Variants in PTPRK observed in about 807,000 individuals in gnomAD.
PTPRK encodes receptor-type tyrosine-protein phosphatase kappa.
In PTPRK, 75 loss-of-function variants were observed where a neutral mutation model predicts 178.0. The observed-to-expected ratio is 0.42, with a 90% confidence interval of 0.35 to 0.51. PTPRK has a LOEUF of 0.51. Ranked by LOEUF, PTPRK falls within the 20% of genes least tolerant of loss-of-function variation. The pLI is 0.02. For synonymous variants in PTPRK, 637 were observed against 620.6 expected, an observed-to-expected ratio of 1.03 and a Z score of -0.39; for missense variants, 1,441 against 1,797.8, an observed-to-expected ratio of 0.80 and a Z score of 3.59.
chr6:128,451,145 C>G (rs565918855), intron 1 of PTPRK, among the ~76,000 whole-genome samples: 2 of 152,298 alleles, frequency 1.3e-5, no homozygotes, highest in South Asian at 4.1e-4. Flanking sequence ...AGCTTTCCAA[C>G]TCTTAAAATA....
At chr6:128,176,869 T>C (rs1281380407) in intron 7 of PTPRK, among the ~76,000 whole-genome samples, 1 of 151,388 alleles carries the variant, frequency 6.6e-6, no homozygotes, top group Non-Finnish European at 1.5e-5. Flanking sequence ...AATCAAGAAA[T>C]TGCACAGAAT....
intron 1 of PTPRK, among the ~76,000 whole-genome samples, chr6:128,464,655 A>ATATATAT (rs1554271931): frequency 4.7e-5 from 5 of 105,858 alleles, no homozygotes; most frequent in Non-Finnish European, 9.4e-5. Context: ...ATATATATAT[A>ATATATAT]TATATATATA....
chr6:128,491,972 A>C, intron 1 of PTPRK: 2 of 389,612 alleles, frequency 5.1e-6, no homozygotes, highest in South Asian at 3.7e-5. Flanking sequence ...TGAATTTAAC[A>C]TAATCTTCTA....
Position 128,005,783 on chromosome 6 carries a change from T to A in PTPRK, c.2334-539A>T, listed in dbSNP as rs572295382. ...TTAGTAAATAAATTATGTTTTTGGC[T>A]CTAGACTAAAGCTACTTATGGAAAT... On this transcript the variant is annotated intron_variant, in intron 14 of 29. Coordinates refer to ENST00000368226, the MANE Select transcript of PTPRK (RefSeq NM_002844.4). Among the ~76,000 whole-genome samples, 9 of 4,190 alleles carry A rather than the reference T, an allele frequency of 2.1e-3. 1 individual carries two copies. The South Asian group carries it at 0.036, about 17-fold the overall frequency. The allele number at this position is 4,190 out of a possible 152,430, so 2.7% of individuals were successfully genotyped here.
At chr6:128,094,840 T>C (rs73584678) in intron 7 of PTPRK, among the ~76,000 whole-genome samples, 4,412 of 150,534 alleles carry the variant, frequency 0.029, 213 homozygotes, top group African/African-American at 0.1. Flanking sequence ...AGGTAATAGA[T>C]AAGGATAGGG....
intron 1 of PTPRK, among the ~76,000 whole-genome samples, chr6:128,407,100 T>C (rs918811086): frequency 2.0e-5 from 3 of 152,184 alleles, no homozygotes; most frequent in Non-Finnish European, 4.4e-5. Flanking sequence ...AATTTGAAAA[T>C]TTCTCCACAA....
At chr6:128,362,913 G>A (rs1267577353) in intron 2 of PTPRK, among the ~76,000 whole-genome samples, 1 of 152,142 alleles carries the variant, frequency 6.6e-6, no homozygotes. Flanking sequence ...CAATGACACA[G>A]TATAAATTAG....
At chr6:128,441,825 G>A (rs1047225333) in intron 1 of PTPRK, among the ~76,000 whole-genome samples, 1 of 152,176 alleles carries the variant, frequency 6.6e-6, no homozygotes, top group Non-Finnish European at 1.5e-5. Flanking sequence ...AAAAGATTAT[G>A]AAAGCACAAA....
intron 2 of PTPRK, among the ~76,000 whole-genome samples, chr6:128,367,112 T>C (rs1372706386): frequency 5.3e-5 from 8 of 152,172 alleles, no homozygotes; most frequent in African/African-American, 1.7e-4. Flanking sequence ...GTAAACTCCA[T>C]AAGCGAAGAA....
chr6:128,472,765 C>T (rs1040737760), intron 1 of PTPRK: 2 of 266,290 alleles, frequency 7.5e-6, no homozygotes. Context: ...GAAAACTTAA[C>T]ATTGATACAC....
At chr6:128,467,408 A>G (rs1396338740) in intron 1 of PTPRK, among the ~76,000 whole-genome samples, 1 of 152,214 alleles carries the variant, frequency 6.6e-6, no homozygotes, top group African/African-American at 2.4e-5. Context: ...AGAATTCTAC[A>G]AAATAGCAAA....
chr6:128,447,426 A>G (rs1847172080), intron 1 of PTPRK, among the ~76,000 whole-genome samples: 1 of 152,206 alleles, frequency 6.6e-6, no homozygotes, highest in African/African-American at 2.4e-5. Context: ...GGAGTTGGCT[A>G]CTTTTTTTAT....
intron 18 of PTPRK, chr6:127,995,132 G>A (rs940163744): frequency 6.9e-6 from 7 of 1,021,850 alleles, no homozygotes; most frequent in Non-Finnish European, 8.9e-6. Context: ...ATTGTATGAA[G>A]CTAATTAGGT....
intron 6 of PTPRK, among the ~76,000 whole-genome samples, chr6:128,206,258 A>T (rs1806940104): frequency 6.6e-6 from 1 of 151,946 alleles, no homozygotes; most frequent in South Asian, 2.1e-4. Flanking sequence ...AAGAGAAAAA[A>T]GTCTGGTGAT....
At chr6:128,342,696 A>G (rs1831835720) in intron 2 of PTPRK, among the ~76,000 whole-genome samples, 1 of 152,086 alleles carries the variant, frequency 6.6e-6, no homozygotes, top group South Asian at 2.1e-4. Flanking sequence ...GTTTTAAAAC[A>G]AAATAAAATC....
intron 7 of PTPRK, among the ~76,000 whole-genome samples, chr6:128,167,867 C>G (rs1277019798): frequency 6.6e-6 from 1 of 151,980 alleles, no homozygotes; most frequent in Non-Finnish European, 1.5e-5. Context: ...AATTTTACTT[C>G]CTGCACCTGA....
chr6:128,129,922 T>C (rs1793952963), intron 7 of PTPRK, among the ~76,000 whole-genome samples: 2 of 152,196 alleles, frequency 1.3e-5, no homozygotes, highest in Admixed American at 1.3e-4. Context: ...CAATGAAGCA[T>C]TTCTCTATAT....
At chr6:128,153,421 A>T (rs1205677186) in intron 7 of PTPRK, among the ~76,000 whole-genome samples, 3 of 152,018 alleles carry the variant, frequency 2.0e-5, no homozygotes, top group Non-Finnish European at 4.4e-5. Context: ...CATGTTCACC[A>T]TTCTCCAGCA....
chr6:128,292,413 A>T (rs1823536457), intron 3 of PTPRK, among the ~76,000 whole-genome samples: 1 of 152,236 alleles, frequency 6.6e-6, no homozygotes, highest in African/African-American at 2.4e-5. Flanking sequence ...ATATTAAATA[A>T]CAATCCCATT....
Sources: allele counts gnomAD v4.1 joint callset (sites outside exome capture counted in the v4.1 genomes callset), GRCh38; gene constraint gnomAD v4.1.1; transcripts MANE v1.5; gene names NCBI Gene and HGNC (gene_info 2026-07-23, HGNC 2026-07-21).